Variants in ZFHX3 observed in about 807,000 individuals in gnomAD.
ZFHX3 encodes the protein zinc finger homeobox 3.
ZFHX3 carries 42 observed loss-of-function variants against 279.1 expected under a neutral mutation model. The ratio of observed to expected loss-of-function variants is 0.15; its 90% confidence interval spans 0.12 to 0.19. The LOEUF (loss-of-function observed/expected upper bound fraction) is 0.19. Ranked by LOEUF, ZFHX3 falls within the 10% of genes least tolerant of loss-of-function variation. ZFHX3 has a pLI of 1.00. For synonymous variants in ZFHX3, 2,293 were observed against 1,957.8 expected (o/e 1.17, Z -4.52); for missense variants, 4,981 against 4,754.0 (o/e 1.05, Z -1.40).
chr16:72,787,316 A>G lies in ZFHX3; in HGVS notation c.10960T>C (p.Ser3654Pro). 1.2e-6 allele frequency: 2 copies of G among 1,613,960 alleles called. No homozygotes were observed. The highest frequency in any genetic ancestry group is 1.7e-6 in the Non-Finnish European group (2 of 1,179,984). Residue 3654 changes from serine (S) to proline (P), a missense_variant, in exon 10 of 10, where the codon TCG (serine) becomes CCG (proline). By Grantham distance (74) the Ser-to-Pro change is moderately conservative. This residue lies in a region of ZFHX3 where 1,034 missense variants were observed against 786.0 expected (regional missense o/e 1.32). Coordinates refer to ENST00000268489, the MANE Select transcript of ZFHX3 (RefSeq NM_006885.4). Reference protein sequence around the residue: ...SSCSTSGVQPSMPTDDYSEES... With the variant: ...SSCSTSGVQPPMPTDDYSEES... ...TCCGAATAGTCGTCTGTTGGCATCG[A>G]GGGCTGAACCCCTGAGGTGCTGCAT... is the stretch of plus-strand genomic sequence containing the variant.
At chr16:73,684,353 T>C (rs1250403571) in intron 1 of ZFHX3, among the ~76,000 whole-genome samples, 1 of 152,036 alleles carries the variant, frequency 6.6e-6, no homozygotes, top group African/African-American at 2.4e-5. Flanking sequence ...TGTGTGTGTG[T>C]GTATGTGTGT....
Position 72,957,701 on chromosome 16 carries a change from C to T in ZFHX3, c.2445G>A (p.Val815=). ...TCATGTGAATGCGGAGGTTCCTGGC[C>T]ACGTTGGTCTCATAATCACACACCT... The part of the protein sequence containing the change: ...RCEVCDYETN[V]ARNLRIHMTS... The change falls in exon 2 of 10, where the codon GTG becomes GTA. Residue 815 remains valine (V), a synonymous_variant. Transcript: ENST00000268489. 1 of 1,614,142 alleles carries T rather than the reference C, an allele frequency of 6.2e-7. No homozygotes were observed. Among genetic ancestry groups the T allele is most frequent in the Non-Finnish European group, 8.5e-7 (1 of 1,180,034 alleles).
At chr16:73,032,880 T>C (rs922162023) in intron 1 of ZFHX3, among the ~76,000 whole-genome samples, 1 of 152,068 alleles carries the variant, frequency 6.6e-6, no homozygotes, top group East Asian at 1.9e-4. Context: ...ACCGGAGAGG[T>C]TGAACTGTTT....
At chr16:73,540,125 T>C (rs975904312) in intron 2 of ZFHX3, among the ~76,000 whole-genome samples, 1 of 152,284 alleles carries the variant, frequency 6.6e-6, no homozygotes, top group East Asian at 1.9e-4. Context: ...TGAAGACACA[T>C]CATGTTGAAA....
At chr16:73,033,988 G>C (rs1418226607) in intron 1 of ZFHX3, among the ~76,000 whole-genome samples, 1 of 152,134 alleles carries the variant, frequency 6.6e-6, no homozygotes, top group Non-Finnish European at 1.5e-5. Context: ...GAAGCCAGCA[G>C]ACAGTTCTCC....
chr16:73,197,924 G>GT (rs71156148), intron 5 of ZFHX3, among the ~76,000 whole-genome samples: 762 of 53,790 alleles, frequency 0.014, 153 homozygotes, highest in East Asian at 0.092. Flanking sequence ...TGATTTGGTG[G>GT]TTTTTTTTTT....
At chr16:73,881,969 G>A (rs766351969) in intron 1 of ZFHX3, among the ~76,000 whole-genome samples, 20 of 151,984 alleles carry the variant, frequency 1.3e-4, no homozygotes, top group Non-Finnish European at 2.9e-4. Flanking sequence ...GGAGTCTGCC[G>A]TCTCTTAGTC....
intron 3 of ZFHX3, among the ~76,000 whole-genome samples, chr16:72,938,490 G>A (rs972413403): frequency 1.3e-5 from 2 of 152,236 alleles, no homozygotes; most frequent in Non-Finnish European, 2.9e-5. Context: ...GAAGACAGGC[G>A]TCCGAATGTG....
intron 2 of ZFHX3, among the ~76,000 whole-genome samples, chr16:73,540,373 C>T (rs2019989595): frequency 6.6e-6 from 1 of 152,188 alleles, no homozygotes; most frequent in African/African-American, 2.4e-5. Flanking sequence ...GATATATTTT[C>T]TCTCACAGTA....
At chr16:72,867,546 T>G (rs973714721) in intron 4 of ZFHX3, among the ~76,000 whole-genome samples, 4 of 152,238 alleles carry the variant, frequency 2.6e-5, no homozygotes, top group Non-Finnish European at 5.9e-5. Flanking sequence ...AATACCCTCA[T>G]GGAGTACGAC....
chr16:73,707,333 T>C (rs1005237982), intron 1 of ZFHX3, among the ~76,000 whole-genome samples: 21 of 152,104 alleles, frequency 1.4e-4, no homozygotes, highest in African/African-American at 5.1e-4. Context: ...ATAGTTCAAG[T>C]CTTAAACATA....
intron 4 of ZFHX3, among the ~76,000 whole-genome samples, chr16:72,873,050 C>T (rs551061218): frequency 7.2e-5 from 11 of 152,290 alleles, no homozygotes; most frequent in African/African-American, 2.6e-4. Context: ...CCATTCAGTC[C>T]AGGAATTCCT....
intron 2 of ZFHX3, among the ~76,000 whole-genome samples, chr16:73,547,235 AT>A (rs2143763710): frequency 6.6e-6 from 1 of 152,214 alleles, no homozygotes; most frequent in South Asian, 2.1e-4. Flanking sequence ...CTATTTTTAT[AT>A]TTACAGAGCA....
At chr16:73,228,357 T>C (rs1251758793) in intron 5 of ZFHX3, among the ~76,000 whole-genome samples, 1 of 152,206 alleles carries the variant, frequency 6.6e-6, no homozygotes. Context: ...AGTTTACTCT[T>C]AAAATGAGTT....
At chr16:73,613,532 A>C (rs1567533263) in intron 2 of ZFHX3, among the ~76,000 whole-genome samples, 1 of 152,072 alleles carries the variant, frequency 6.6e-6, no homozygotes, top group Non-Finnish European at 1.5e-5. Context: ...AAGTTTCTAG[A>C]AGCAGGATGG....
At chr16:73,797,179 G>A (rs1960019151) in intron 1 of ZFHX3, among the ~76,000 whole-genome samples, 2 of 151,270 alleles carry the variant, frequency 1.3e-5, no homozygotes, top group Admixed American at 1.3e-4. Context: ...CTCCAACCTG[G>A]GTGACAAGAG....
chr16:72,922,364 A>G (rs2039606722), intron 3 of ZFHX3, among the ~76,000 whole-genome samples: 1 of 152,116 alleles, frequency 6.6e-6, no homozygotes, highest in Non-Finnish European at 1.5e-5. Context: ...TCCCAGACAA[A>G]CAACCTTCCC....
chr16:73,235,094 G>C (rs1332104638), intron 5 of ZFHX3, among the ~76,000 whole-genome samples: 4 of 152,080 alleles, frequency 2.6e-5, no homozygotes, highest in African/African-American at 4.8e-5. Flanking sequence ...TTTTGAGACG[G>C]AGTCTCACTC....
intron 1 of ZFHX3, among the ~76,000 whole-genome samples, chr16:73,839,755 C>T (rs752565463): frequency 6.6e-5 from 10 of 152,170 alleles, no homozygotes; most frequent in Non-Finnish European, 1.2e-4. Context: ...GATCTCTCAG[C>T]GGGCTAGTCC....
Sources: gnomAD v4.1 joint callset for allele counts (sites outside exome capture counted in the v4.1 genomes callset) on GRCh38, gnomAD v4.1.1 for gene constraint, gnomAD v4.1.1 regional missense constraint, MANE v1.5 for transcripts, NCBI Gene and HGNC (gene_info 2026-07-23, HGNC 2026-07-21) for gene names.